Variants in TCF4 observed in about 807,000 individuals in gnomAD.
The protein encoded by TCF4 is SL3-3 enhancer factor 2.
A neutral mutation model predicts 82.1 loss-of-function variants in TCF4; 3 were observed. The ratio of observed to expected loss-of-function variants is 0.04; its 90% CI spans 0.02 to 0.09. The LOEUF (loss-of-function observed/expected upper bound fraction) is 0.09. TCF4 is among the 10% of genes least tolerant of loss of function. TCF4 has a pLI of 1.00. For synonymous variants in TCF4, 276 were observed against 309.6 expected (o/e 0.89, Z 1.14); for missense variants, 518 against 852.7 (o/e 0.61, Z 4.89).
At chr18:55,265,581 G>T (rs939969742) in intron 11 of TCF4, 1 of 152,126 alleles carries the variant, frequency 6.6e-6, no homozygotes, top group African/African-American at 2.4e-5. Context: ...CCTTCACATT[G>T]CTGGATACAA....
At chr18:55,429,701 C>A (rs9955827) in intron 5 of TCF4, among the ~76,000 whole-genome samples, 6 of 122,312 alleles carry the variant, frequency 4.9e-5, no homozygotes, top group Non-Finnish European at 9.5e-5. Context: ...GCGGAGCTTG[C>A]GATGAGCCAA....
intron 5 of TCF4, among the ~76,000 whole-genome samples, chr18:55,449,702 C>T (rs1223694739): frequency 6.6e-6 from 1 of 152,192 alleles, no homozygotes; most frequent in Non-Finnish European, 1.5e-5. Context: ...TAATACAAAG[C>T]TAGAAAATCT....
Position 55,228,835 on chromosome 18 carries a change from G to C in TCF4, c.1879+12C>G. 1 of 1,613,724 alleles carries C rather than the reference G, an allele frequency of 6.2e-7. No individual in the cohort carries two copies. On this transcript the variant is annotated intron_variant, in intron 18 of 19. Transcript: ENST00000354452. ...CCTCACGAGCTCTGCAAGGAGGCTG[G>C]CCTGCACTGACCTCGGACTTGCTGC...
At chr18:55,550,277 G>T (rs1324467643) in intron 3 of TCF4, 1 of 152,096 alleles carries the variant, frequency 6.6e-6, no homozygotes, top group Non-Finnish European at 1.5e-5. Context: ...ATGCAAACTG[G>T]TTGCTACTTT....
At chr18:55,549,993 G>A (rs2097246013) in intron 3 of TCF4, among the ~76,000 whole-genome samples, 1 of 152,098 alleles carries the variant, frequency 6.6e-6, no homozygotes, top group Non-Finnish European at 1.5e-5. Flanking sequence ...CGGTAACTGT[G>A]GATATATCTC....
chr18:55,391,363 A>T (rs6567314), intron 6 of TCF4, among the ~76,000 whole-genome samples: 73,560 of 151,920 alleles, frequency 0.48, 19,373 homozygotes, highest in African/African-American at 0.72. Flanking sequence ...TAATATATAT[A>T]TTTTTTAATT....
At chr18:55,289,846 C>T (rs963291605) in intron 8 of TCF4, among the ~76,000 whole-genome samples, 1 of 151,782 alleles carries the variant, frequency 6.6e-6, no homozygotes, top group African/African-American at 2.4e-5. Flanking sequence ...CTAAGGATAG[C>T]CAGTTGCAGA....
At chr18:55,283,704 T>C (rs1367207710) in intron 8 of TCF4, among the ~76,000 whole-genome samples, 2 of 152,230 alleles carry the variant, frequency 1.3e-5, no homozygotes, top group Non-Finnish European at 2.9e-5. Context: ...CTTTTAACTC[T>C]GGTCCTCAGA....
chr18:55,510,603 T>C, intron 3 of TCF4: 1 of 1,514,358 alleles, frequency 6.6e-7, no homozygotes, highest in Middle Eastern at 1.7e-4. Context: ...TCCATATGAA[T>C]AGGAAGTAAT....
chr18:55,580,748 G>GTC (rs2097568147), intron 3 of TCF4, among the ~76,000 whole-genome samples: 1 of 140,168 alleles, frequency 7.1e-6, no homozygotes. Flanking sequence ...TCTGATGTGT[G>GTC]TGTGTGTGTG....
intron 3 of TCF4, among the ~76,000 whole-genome samples, chr18:55,499,586 C>T (rs1047242460): frequency 3.3e-5 from 5 of 152,166 alleles, no homozygotes; most frequent in African/African-American, 1.2e-4. Flanking sequence ...ACTACTCCCC[C>T]CACCAACAAT....
chr18:55,297,309 G>A (rs1275464476), intron 8 of TCF4, among the ~76,000 whole-genome samples: 1 of 151,756 alleles, frequency 6.6e-6, no homozygotes, highest in Non-Finnish European at 1.5e-5. Flanking sequence ...CATAGAGTCT[G>A]AGTATAATTC....
chr18:55,437,010 C>G (rs904732536), intron 5 of TCF4, among the ~76,000 whole-genome samples: 4 of 152,184 alleles, frequency 2.6e-5, no homozygotes, highest in Admixed American at 2.0e-4. Flanking sequence ...AACATTCATG[C>G]CTACAACCAA....
chr18:55,260,648 T>G (rs1007121605), intron 12 of TCF4, among the ~76,000 whole-genome samples: 1 of 152,154 alleles, frequency 6.6e-6, no homozygotes, highest in African/African-American at 2.4e-5. Flanking sequence ...AACCTCTACC[T>G]CCCAGGTTCA....
chr18:55,434,840 A>G (rs1281546107), intron 5 of TCF4, among the ~76,000 whole-genome samples: 2 of 149,808 alleles, frequency 1.3e-5, no homozygotes, highest in Non-Finnish European at 3.0e-5. Flanking sequence ...TATGAGGTAT[A>G]TGAGATATTT....
rs76198460 is a variant in TCF4 at position 55,522,748 on chromosome 18, G to C, written c.146-58611C>G. ...TCTACCATAAACACACAGTCATCAT[G>C]AATCGCTTATGCATGAGAAACATGT... On this transcript the variant is annotated intron_variant, in intron 3 of 19. Transcript: ENST00000354452. 6.9e-4 allele frequency among the ~76,000 whole-genome samples: 105 copies of C among 152,214 alleles called. 3 individuals are homozygous for C. The East Asian group carries it at 0.019, about 27-fold the overall frequency.
At chr18:55,414,030 C>T (rs2094444753) in intron 5 of TCF4, among the ~76,000 whole-genome samples, 1 of 152,036 alleles carries the variant, frequency 6.6e-6, no homozygotes, top group African/African-American at 2.4e-5. Flanking sequence ...ATGCTATCCA[C>T]CAGTAAGGGA....
chr18:55,327,032 T>G (rs2076681190), intron 8 of TCF4, among the ~76,000 whole-genome samples: 1 of 152,078 alleles, frequency 6.6e-6, no homozygotes, highest in Admixed American at 6.5e-5. Context: ...CTGATGACAA[T>G]AACTTGAGAC....
At chr18:55,492,757 T>A (rs1433532514) in intron 3 of TCF4, among the ~76,000 whole-genome samples, 1 of 152,170 alleles carries the variant, frequency 6.6e-6, no homozygotes, top group Non-Finnish European at 1.5e-5. Context: ...ACTGAATGAA[T>A]GAGGGGGCAC....
Sources: gnomAD v4.1 joint callset for allele counts (sites outside exome capture counted in the v4.1 genomes callset) on GRCh38, gnomAD v4.1.1 for gene constraint, MANE v1.5 for transcripts, NCBI Gene and HGNC (gene_info 2026-07-23, HGNC 2026-07-21) for gene names.